The following DNAJA4 variants were observed in gnomAD, a reference collection of about 807,000 sequenced individuals.
DNAJA4 encodes DnaJ heat shock protein family (Hsp40) member A4, also known as dnaJ homolog subfamily A member 4.
DNAJA4 carries 32 observed loss-of-function variants against 39.7 expected under a neutral mutation model. The observed-to-expected ratio is 0.81, with a 90% CI of 0.61 to 1.08. DNAJA4 has a LOEUF of 1.08. Ranked by LOEUF, DNAJA4 falls within the 50% of genes least tolerant of loss-of-function variation. The pLI is 0.00. For missense variants in DNAJA4, 439 were observed against 505.1 expected, an observed-to-expected ratio of 0.87 and a Z score of 1.25; for synonymous variants, 184 against 182.4, an observed-to-expected ratio of 1.01 and a Z score of -0.07.
intron 1 of DNAJA4, 183 bp from the exon 2 acceptor site, chr15:78,270,314 T>G (rs2049258942): frequency 3.3e-6 from 2 of 599,414 alleles, no homozygotes; most frequent in Non-Finnish European, 5.7e-6. Flanking sequence ...GCCCTGTGTT[T>G]CCCACTTTAC....
At chr15:78,270,430 A>G (rs561018635) in intron 1 of DNAJA4, 67 bp from the exon 2 acceptor site, 14 of 1,516,100 alleles carry the variant, frequency 9.2e-6, no homozygotes, top group East Asian at 6.8e-5. Context: ...GTATGTTTAT[A>G]TGGCAGGTTT....
chr15:78,274,564 C>T, intron 4 of DNAJA4, 140 bp downstream of exon 4: 4 of 740,300 alleles, frequency 5.4e-6, no homozygotes, highest in Non-Finnish European at 6.8e-6. Flanking sequence ...CTCTTGTTTC[C>T]CAGTCTTCTC....
intron 2 of DNAJA4, among the ~76,000 whole-genome samples, chr15:78,272,840 T>TC (rs2049338506): frequency 6.6e-6 from 1 of 152,208 alleles, no homozygotes; most frequent in South Asian, 2.1e-4. Context: ...AGGTGGAAAG[T>TC]CTTTTTGTTG....
Position 78,281,403 on chromosome 15 carries a change from G to A in DNAJA4, c.*943G>A, listed in dbSNP as rs3743082. 1 of 152,200 alleles carries A rather than the reference G, an allele frequency of 6.6e-6. No individual in the cohort carries two copies. Among genetic ancestry groups the A allele is most frequent in the African/African-American group, 2.4e-5 (1 of 41,408 alleles). The allele number at this position is 152,200 out of a possible 1,614,324, so 9.4% of individuals were successfully genotyped here. ...GTCTGCAAAGGCATAGAACTCCCCA[G>A]TGTTTTCCACCTCATTCTCCCAGAT... On this transcript the variant is annotated 3_prime_UTR_variant, in exon 7 of 7. Coordinates refer to ENST00000394852, the MANE Select transcript of DNAJA4 (RefSeq NM_001130182.2).
Position 78,276,283 on chromosome 15 carries a change from G to T in DNAJA4, c.877+555G>T, listed in dbSNP as rs192147352. Among the ~76,000 whole-genome samples the T allele has an allele frequency of 2.0e-5, 3 of 152,306 alleles. 1 individual carries two copies. Among genetic ancestry groups the T allele is most frequent in the Middle Eastern group, 6.8e-3 (2 of 294 alleles). On this transcript the variant is annotated intron_variant, in intron 5 of 6. Coordinates refer to ENST00000394852, the MANE Select transcript of DNAJA4 (RefSeq NM_001130182.2). ...ATTACATGAGTTACATTTTAAAATA[G>T]AATTTTCCTGTAAGAAAGACTTTGC...
At chr15:78,265,720 A>G (rs1299416384) in intron 1 of DNAJA4, 1 of 695,244 alleles carries the variant, frequency 1.4e-6, no homozygotes, top group African/African-American at 1.8e-5. Flanking sequence ...AAAGGCTGCT[A>G]ACCCTCCCGT....
At chr15:78,275,954 C>T (rs909408951) in intron 5 of DNAJA4, among the ~76,000 whole-genome samples, 1 of 152,156 alleles carries the variant, frequency 6.6e-6, no homozygotes, top group Non-Finnish European at 1.5e-5. Flanking sequence ...CCTGATTTCA[C>T]ATTTAAGGTC....
At position 78,280,922 on chromosome 15, in the gene DNAJA4, G is replaced by A. The variant is rs1487188475; in HGVS notation, c.*462G>A. 6.3e-6 allele frequency: 1 copy of A among 158,944 alleles called. No homozygotes were observed. The highest frequency in any genetic ancestry group is 1.4e-5 in the Non-Finnish European group (1 of 72,154). 9.8% of individuals were successfully genotyped at this position (158,944 alleles called of 1,614,324 possible). A position where few individuals can be genotyped will look rare whatever the true frequency, so the allele number is the denominator to read the frequency against. ...AGAGTTATTGAGGGCATGATCTCAG[G>A]GCTGCTAAGATAACATTTCTGAGGA... On this transcript the variant is annotated 3_prime_UTR_variant, in exon 7 of 7. Transcript: ENST00000394852.
chr15:78,264,991 G>A, intron 1 of DNAJA4, 96 bp downstream of exon 1: 2 of 1,357,918 alleles, frequency 1.5e-6, no homozygotes, highest in Non-Finnish European at 9.8e-7. Context: ...AGCCGCGTTT[G>A]TTGGGGAGGC....
upstream of DNAJA4, chr15:78,264,281 TC>T: frequency 7.4e-7 from 1 of 1,353,498 alleles, no homozygotes; most frequent in Non-Finnish European, 9.5e-7. Context: ...GAGGGCGCCC[TC>T]CAGGCCCAAG....
intron 5 of DNAJA4, chr15:78,278,130 C>A (rs1317209113): frequency 2.2e-6 from 1 of 456,056 alleles, no homozygotes; most frequent in Admixed American, 2.3e-5. Flanking sequence ...TTTGGAGCCA[C>A]ACAAGGGTGT....
chr15:78,266,970 C>A (rs1387820007), intron 1 of DNAJA4, among the ~76,000 whole-genome samples: 1 of 152,078 alleles, frequency 6.6e-6, no homozygotes, highest in African/African-American at 2.4e-5. Flanking sequence ...CAATTTAGAT[C>A]GGAAATCAAA....
In DNAJA4 at chr15:78,274,193, G is replaced by A; in HGVS notation, c.419-4G>A. ...CCTCATTCCTGCCTCCCCTGACCCT[G>A]CAGGTGTTGGTGGGAAGAAGGGATC... On this transcript the variant is annotated splice_polypyrimidine_tract_variant and splice_region_variant and intron_variant, in intron 3 of 6. Transcript: ENST00000394852. 6.2e-7 allele frequency: 1 copy of A among 1,612,878 alleles called. No individual in the cohort carries two copies. The highest frequency in any genetic ancestry group is 8.5e-7 in the Non-Finnish European group (1 of 1,179,180).
In DNAJA4 at chr15:78,275,635, A is replaced by T; in HGVS notation, c.784A>T (p.Lys262Ter). The change falls in exon 5 of 7, where the codon AAA (lysine) becomes TAA (stop). Residue 262 changes from lysine (K) to a stop codon, truncating the protein, a stop_gained. Coordinates refer to ENST00000394852, the MANE Select transcript of DNAJA4 (RefSeq NM_001130182.2). LOFTEE classifies it high-confidence loss of function. The part of the protein sequence containing the change: ...FQRRGHDLIM[K>*]MKIQLSEALC... The stretch of plus-strand genomic sequence containing the variant: ...GAGACGAGGCCATGACTTGATCATG[A>T]AAATGAAAATTCAGCTTTCTGAAGC... 6.2e-7 allele frequency: 1 copy of T among 1,614,238 alleles called. No individual in the cohort carries two copies. The highest frequency in any genetic ancestry group is 8.5e-7 in the Non-Finnish European group (1 of 1,180,024).
chr15:78,274,119 C>G, intron 3 of DNAJA4, 78 bp from the exon 4 acceptor site: 1 of 1,419,398 alleles, frequency 7.0e-7, no homozygotes, highest in Non-Finnish European at 9.6e-7. Context: ...GGTTCCCTAC[C>G]CTTCTGCCAT....
Position 78,274,855 on chromosome 15 carries a change from G to C in DNAJA4, c.646+431G>C, listed in dbSNP as rs2049405023. On this transcript the variant is annotated intron_variant, in intron 4 of 6. Transcript: ENST00000394852. ...GTTCCCTTTCTCCACATTTCCCCAT[G>C]TGCTGCATCAGATTCCCCCAAATAC... 4 of 213,772 alleles carry C rather than the reference G, an allele frequency of 1.9e-5. No homozygotes were observed. In the South Asian group the frequency reaches 2.3e-4, roughly 12 times the overall value. The allele number at this position is 213,772 out of a possible 1,614,324, so 13.2% of individuals were successfully genotyped here.
At position 78,273,136 on chromosome 15, in the gene DNAJA4, C is replaced by T. The variant is rs7163689; in HGVS notation, c.355C>T (p.Leu119=). 0.51 allele frequency: 807,012 copies of T among 1,595,304 alleles called. 207,115 individuals are homozygous for T. The highest frequency in any genetic ancestry group is 0.55 in the Middle Eastern group (3,338 of 6,038). Residue 119 remains leucine, a synonymous_variant, in exon 3 of 7, where the codon CTA becomes TTA. Coordinates refer to ENST00000394852, the MANE Select transcript of DNAJA4 (RefSeq NM_001130182.2). Reference sequence around the variant, plus strand: ...CCAGTTATCTGTAACTCTTGAAGATCTATATAATGGAGTCACGAAGAAATT... The same window carrying T: ...CCAGTTATCTGTAACTCTTGAAGATTTATATAATGGAGTCACGAAGAAATT... ...VHQLSVTLED[L]YNGVTKKLAL... is the part of the protein sequence containing the mutation.
chr15:78,275,200 T>A, intron 4 of DNAJA4: 1 of 400,174 alleles, frequency 2.5e-6, no homozygotes, highest in Non-Finnish European at 4.6e-6. Flanking sequence ...GCGGTGACCC[T>A]ATGCTGGTGG....
chr15:78,271,628 A>G (rs1056239717), intron 2 of DNAJA4, among the ~76,000 whole-genome samples: 1 of 152,088 alleles, frequency 6.6e-6, no homozygotes, highest in Non-Finnish European at 1.5e-5. Flanking sequence ...CCTTAGCTCA[A>G]TGGCCCCAGG....
Sources: allele counts gnomAD v4.1 joint callset (sites outside exome capture counted in the v4.1 genomes callset), GRCh38; gene constraint gnomAD v4.1.1; transcripts MANE v1.5; gene names NCBI Gene and HGNC (gene_info 2026-07-23, HGNC 2026-07-21).